Variants in RASA2 observed in about 807,000 individuals in gnomAD.
RASA2 encodes the protein RAS p21 protein activator 2.
A neutral mutation model predicts 118.2 loss-of-function variants in RASA2; 155 were observed. The observed-to-expected ratio is 1.31, with a 90% confidence interval of 1.15 to 1.50. The LOEUF (loss-of-function observed/expected upper bound fraction) is 1.50, where lower values mean the gene tolerates loss of function less well. Ranked by LOEUF, RASA2 falls within the 40% of genes most tolerant of loss-of-function variation. The pLI is 0.00. For missense variants in RASA2, 1,016 were observed against 1,009.6 expected, an observed-to-expected ratio of 1.01 and a Z score of -0.09; for synonymous variants, 353 against 349.1, an observed-to-expected ratio of 1.01 and a Z score of -0.12.
intron 5 of RASA2, among the ~76,000 whole-genome samples, chr3:141,544,702 T>C (rs2082458039): frequency 6.6e-6 from 1 of 152,224 alleles, no homozygotes; most frequent in African/African-American, 2.4e-5. Context: ...TAATTGTTCA[T>C]TGCATTATTC....
intron 1 of RASA2, among the ~76,000 whole-genome samples, chr3:141,511,773 T>A (rs2081954645): frequency 6.6e-6 from 1 of 152,106 alleles, no homozygotes; most frequent in Non-Finnish European, 1.5e-5. Flanking sequence ...GTTGAGAAAT[T>A]CCCATCATCG....
At chr3:141,517,564 T>C (rs1181268683) in intron 3 of RASA2, among the ~76,000 whole-genome samples, 1 of 152,228 alleles carries the variant, frequency 6.6e-6, no homozygotes, top group African/African-American at 2.4e-5. Flanking sequence ...AGTCACCTTA[T>C]GCCAGGCCCC....
At chr3:141,523,363 C>T (rs2082139675) in intron 3 of RASA2, among the ~76,000 whole-genome samples, 1 of 152,182 alleles carries the variant, frequency 6.6e-6, no homozygotes, top group Non-Finnish European at 1.5e-5. Flanking sequence ...ATCCACCTGC[C>T]TTAGCCTCCC....
Position 141,553,882 on chromosome 3 carries a change from C to G in RASA2, c.553C>G (p.Leu185Val). 1 of 1,612,046 alleles carries G rather than the reference C, an allele frequency of 6.2e-7. No homozygotes were observed. The highest frequency in any genetic ancestry group is 8.5e-7 in the Non-Finnish European group (1 of 1,178,822). Reference sequence around the variant, plus strand: ...CATCAAGGCATGCCATGGGTTGCCTCTCATAAATGGCCAAAGCTGTGACCC... The same window carrying G: ...CATCAAGGCATGCCATGGGTTGCCTGTCATAAATGGCCAAAGCTGTGACCC... ...VHIKACHGLP[L>V]INGQSCDPYA... The change falls in exon 6 of 24, where the codon CTC becomes GTC. Residue 185 changes from leucine to valine, a missense_variant. This residue lies in a region of RASA2 where 896 missense variants were observed against 836.4 expected (regional missense o/e 1.07). Transcript: ENST00000286364.
intron 4 of RASA2, among the ~76,000 whole-genome samples, chr3:141,536,042 T>C: frequency 6.6e-6 from 1 of 152,234 alleles, no homozygotes; most frequent in East Asian, 1.9e-4. Context: ...TGTGAAATTT[T>C]TGTAAAATTA....
chr3:141,584,883 CAT>C (rs1577788931), intron 17 of RASA2, among the ~76,000 whole-genome samples: 1 of 151,716 alleles, frequency 6.6e-6, no homozygotes, highest in Admixed American at 6.6e-5. Context: ...TCTCTCTCTC[CAT>C]ATATATTTTT....
At position 141,519,300 on chromosome 3, in the gene RASA2, A is replaced by G. The variant is rs117447876; in HGVS notation, c.355+2869A>G. 3.5e-4 allele frequency among the ~76,000 whole-genome samples: 54 copies of G among 152,310 alleles called. No individual in the cohort carries two copies. The East Asian group carries it at 8.7e-3, about 24-fold the overall frequency. On this transcript the variant is annotated intron_variant, in intron 3 of 23. Transcript: ENST00000286364. ...TTATCATTGAAAAAAATTTGCCAAT[A>G]TGATAGGTGAAAAATAACACATTAT... is the stretch of plus-strand genomic sequence containing the variant.
chr3:141,499,733 G>C (rs1488112098), intron 1 of RASA2, among the ~76,000 whole-genome samples: 2 of 152,092 alleles, frequency 1.3e-5, no homozygotes, highest in Non-Finnish European at 2.9e-5. Context: ...CGATTAGCTG[G>C]GACTGCAGGT....
At chr3:141,586,388 A>T (rs1443086937) in intron 18 of RASA2, among the ~76,000 whole-genome samples, 7 of 152,192 alleles carry the variant, frequency 4.6e-5, no homozygotes, top group African/African-American at 1.4e-4. Flanking sequence ...AGTGTTTATT[A>T]TAAGTTAAGG....
chr3:141,555,122 G>A (rs982800471), intron 6 of RASA2, among the ~76,000 whole-genome samples: 2 of 152,274 alleles, frequency 1.3e-5, no homozygotes. Flanking sequence ...TTAGCTGGGT[G>A]TGGTGGCTCA....
intron 19 of RASA2, among the ~76,000 whole-genome samples, chr3:141,594,556 G>A (rs1021131116): frequency 2.4e-4 from 36 of 151,876 alleles, no homozygotes; most frequent in African/African-American, 8.5e-4. Flanking sequence ...ACATACACAG[G>A]GGAACAACAG....
intron 1 of RASA2, 106 bp from the exon 2 acceptor site, chr3:141,512,057 T>TC: frequency 1.4e-6 from 1 of 724,710 alleles, no homozygotes; most frequent in South Asian, 1.8e-5. Flanking sequence ...TTTTTTTTTT[T>TC]CTGTGCCACA....
rs576862369 is a variant in RASA2 at position 141,581,080 on chromosome 3, C to T, written c.1675-20C>T. 4.0e-6 allele frequency: 6 copies of T among 1,506,962 alleles called. No individual in the cohort carries two copies. The highest frequency in any genetic ancestry group is 5.3e-6 in the Non-Finnish European group (6 of 1,135,214). The allele number at this position is 1,506,962 out of a possible 1,614,324, so 93.3% of individuals were successfully genotyped here. On this transcript the variant is annotated intron_variant, in intron 16 of 23. Coordinates refer to ENST00000286364, the MANE Select transcript of RASA2 (RefSeq NM_006506.5). ...ATTCTCTATTTAACACATATAAACCCTGTGTTTGTTTTTTCTTAGTCAAGT... is the reference window on the plus strand; with the variant it reads ...ATTCTCTATTTAACACATATAAACCTTGTGTTTGTTTTTTCTTAGTCAAGT...
chr3:141,564,575 C>G (rs960989632), intron 9 of RASA2, among the ~76,000 whole-genome samples: 5 of 152,134 alleles, frequency 3.3e-5, no homozygotes, highest in African/African-American at 4.8e-5. Context: ...GTTTCCTTGG[C>G]AAGACTGTTG....
chr3:141,499,266 C>T (rs528856275), intron 1 of RASA2, among the ~76,000 whole-genome samples: 1 of 152,302 alleles, frequency 6.6e-6, no homozygotes, highest in South Asian at 2.1e-4. Flanking sequence ...TTTACTTTGA[C>T]TTTGTCTTGT....
intron 17 of RASA2, among the ~76,000 whole-genome samples, chr3:141,585,054 T>G (rs555804585): frequency 6.6e-6 from 1 of 152,188 alleles, no homozygotes; most frequent in Admixed American, 6.5e-5. Flanking sequence ...TGTATTCTTA[T>G]GGGCCTTACA....
chr3:141,595,656 A>G (rs144053280), intron 19 of RASA2, among the ~76,000 whole-genome samples: 2,415 of 149,608 alleles, frequency 0.016, 61 homozygotes, highest in African/African-American at 0.056. Context: ...TTTTTTTGAG[A>G]CAGGGTCTTG....
intron 5 of RASA2, among the ~76,000 whole-genome samples, chr3:141,549,484 C>CGTGTGCGTGTGTGT (rs112947735): frequency 1.4e-5 from 2 of 145,302 alleles, no homozygotes; most frequent in East Asian, 4.1e-4. Flanking sequence ...TGTGTGTGTG[C>CGTGTGCGTGTGTGT]GTGTGTGTGT....
intron 4 of RASA2, among the ~76,000 whole-genome samples, chr3:141,539,465 A>G (rs1272264182): frequency 3.3e-5 from 5 of 152,168 alleles, no homozygotes; most frequent in African/African-American, 1.2e-4. Context: ...TCATTCTTGT[A>G]TAAGTCCCCT....
Sources: gnomAD v4.1 joint callset for allele counts (sites outside exome capture counted in the v4.1 genomes callset) on GRCh38, gnomAD v4.1.1 for gene constraint, gnomAD v4.1.1 regional missense constraint, MANE v1.5 for transcripts, NCBI Gene and HGNC (gene_info 2026-07-23, HGNC 2026-07-21) for gene names.